Variants in TRAPPC9 observed in about 807,000 individuals in gnomAD.
The protein encoded by TRAPPC9 is IKK2 binding protein.
Under a neutral mutation model 124.0 loss-of-function variants are expected in TRAPPC9, and 83 were observed. The ratio of observed to expected loss-of-function variants is 0.67; its 90% confidence interval spans 0.56 to 0.80. The LOEUF (loss-of-function observed/expected upper bound fraction) is 0.80. TRAPPC9 is among the 30% of genes least tolerant of loss of function. The pLI is 0.00. For missense variants in TRAPPC9, 1,302 were observed against 1,508.3 expected (o/e 0.86, Z 2.27); for synonymous variants, 638 against 617.5 (o/e 1.03, Z -0.49).
chr8:139,850,422 T>C (rs1344774770), intron 21 of TRAPPC9, among the ~76,000 whole-genome samples: 1 of 152,180 alleles, frequency 6.6e-6, no homozygotes, highest in Non-Finnish European at 1.5e-5. Context: ...GGGCAGGAGC[T>C]CTTGGTGGCT....
intron 18 of TRAPPC9, among the ~76,000 whole-genome samples, chr8:140,019,820 G>A (rs7825467): frequency 0.49 from 74,589 of 151,578 alleles, 18,587 homozygotes; most frequent in Middle Eastern, 0.64. Flanking sequence ...CCAAAGGGCT[G>A]GGATTATAGG....
chr8:140,157,819 G>T (rs1761353007), intron 17 of TRAPPC9, among the ~76,000 whole-genome samples: 1 of 152,058 alleles, frequency 6.6e-6, no homozygotes, highest in Non-Finnish European at 1.5e-5. Flanking sequence ...AATAACCCTT[G>T]TTAACATCTT....
chr8:139,974,333 A>T (rs1836299589), intron 19 of TRAPPC9, among the ~76,000 whole-genome samples: 1 of 152,192 alleles, frequency 6.6e-6, no homozygotes, highest in Non-Finnish European at 1.5e-5. Flanking sequence ...AAGGGCAGGA[A>T]TTCCTGGATG....
intron 17 of TRAPPC9, among the ~76,000 whole-genome samples, chr8:140,083,198 A>AAAAATTCAC (rs1233632372): frequency 1.3e-5 from 2 of 152,188 alleles, no homozygotes; most frequent in African/African-American, 2.4e-5. Context: ...ATCTCAAAAA[A>AAAAATTCAC]AAAAATTCAC....
intron 5 of TRAPPC9, among the ~76,000 whole-genome samples, chr8:140,421,742 T>C (rs1388458988): frequency 6.6e-6 from 1 of 151,886 alleles, no homozygotes; most frequent in African/African-American, 2.4e-5. Flanking sequence ...TTTTTTCCTT[T>C]AGTTAACGAA....
rs1396276293 is a variant in TRAPPC9, at chr8:140,106,156, C to G, written c.2557-82077G>C. On this transcript the variant is annotated intron_variant, in intron 17 of 22. Transcript: ENST00000438773. ...AGAACAAAGGCAAGGTCAGTGTTGC[C>G]AGGACGAAAGCCTCTCCGCCTGCTT... Among the ~76,000 whole-genome samples the G allele has an allele frequency of 5.9e-5, 9 of 152,184 alleles. No individual in the cohort carries two copies. The East Asian group carries it at 1.7e-3, about 29-fold the overall frequency.
intron 19 of TRAPPC9, among the ~76,000 whole-genome samples, chr8:139,982,066 G>A (rs1836939044): frequency 6.6e-6 from 1 of 152,206 alleles, no homozygotes; most frequent in African/African-American, 2.4e-5. Flanking sequence ...GGGTTGTCAT[G>A]AAATTTAATT....
At chr8:140,156,908 A>G (rs2061640446) in intron 17 of TRAPPC9, among the ~76,000 whole-genome samples, 1 of 152,192 alleles carries the variant, frequency 6.6e-6, no homozygotes. Context: ...GCAGAAAGCT[A>G]TTGTGCTGCA....
chr8:140,026,491 A>T (rs1840157685), intron 17 of TRAPPC9, among the ~76,000 whole-genome samples: 1 of 152,144 alleles, frequency 6.6e-6, no homozygotes, highest in South Asian at 2.1e-4. Context: ...TCCTTACCAC[A>T]CATTTGCTAT....
intron 9 of TRAPPC9, among the ~76,000 whole-genome samples, chr8:140,321,067 C>A (rs1467829766): frequency 2.6e-5 from 4 of 152,228 alleles, no homozygotes; most frequent in Non-Finnish European, 5.9e-5. Flanking sequence ...GGAGGACTTG[C>A]AAGATTCCAG....
chr8:140,361,845 C>G (rs2067963557), intron 8 of TRAPPC9, among the ~76,000 whole-genome samples: 1 of 152,204 alleles, frequency 6.6e-6, no homozygotes, highest in East Asian at 1.9e-4. Flanking sequence ...GGGCGCTCGG[C>G]TGAGGCTGAC....
At position 139,728,647 on chromosome 8, in the gene TRAPPC9, C is replaced by T. The variant is rs183460823; in HGVS notation, c.*2414G>A. Among the ~76,000 whole-genome samples the T allele has an allele frequency of 3.9e-4, 59 of 152,328 alleles. No homozygotes were observed. Among genetic ancestry groups the T allele is most frequent in the Middle Eastern group, 3.4e-3 (1 of 294 alleles). Reference sequence around the variant, plus strand: ...CCAAACGCTTGGAGCACACACAAGGCCTGACTCCAGGTCACCTTCTCTACT... The same window carrying T: ...CCAAACGCTTGGAGCACACACAAGGTCTGACTCCAGGTCACCTTCTCTACT... On this transcript the variant is annotated 3_prime_UTR_variant, in exon 23 of 23. Transcript: ENST00000438773.
intron 17 of TRAPPC9, among the ~76,000 whole-genome samples, chr8:140,033,698 T>TTTTGAGACAGAGTCTCGCTC (rs1840697010): frequency 8.1e-6 from 1 of 123,062 alleles, no homozygotes; most frequent in Non-Finnish European, 1.6e-5. Context: ...TTTTTTTTTT[T>TTTTGAGACAGAGTCTCGCTC]TGAGACAGAG....
chr8:140,213,252 T>C (rs2131266510), intron 17 of TRAPPC9, among the ~76,000 whole-genome samples: 1 of 152,316 alleles, frequency 6.6e-6, no homozygotes, highest in Non-Finnish European at 1.5e-5. Context: ...TGTGGTTGTC[T>C]ATATCTGTGT....
intron 15 of TRAPPC9, among the ~76,000 whole-genome samples, chr8:140,254,041 G>C (rs115676835): frequency 0.015 from 2,319 of 152,242 alleles, 53 homozygotes; most frequent in African/African-American, 0.05. Flanking sequence ...AGGGGACATG[G>C]GGAGGCCACT....
chr8:140,334,647 C>CAGTA (rs1554669727), intron 9 of TRAPPC9, among the ~76,000 whole-genome samples: 1 of 131,970 alleles, frequency 7.6e-6, no homozygotes, highest in Non-Finnish European at 1.6e-5. Flanking sequence ...GAGACTCTGT[C>CAGTA]ACTAAATAAA....
intron 21 of TRAPPC9, among the ~76,000 whole-genome samples, chr8:139,877,234 C>T (rs977415659): frequency 1.6e-4 from 25 of 152,180 alleles, no homozygotes; most frequent in Non-Finnish European, 2.5e-4. Flanking sequence ...AAGAGGCAGG[C>T]GGAGGGTGGC....
intron 17 of TRAPPC9, among the ~76,000 whole-genome samples, chr8:140,168,534 C>T (rs892800009): frequency 2.6e-5 from 4 of 152,230 alleles, no homozygotes; most frequent in African/African-American, 9.6e-5. Flanking sequence ...CTCACTTAGC[C>T]TGTTCTCAAG....
At chr8:140,183,997 GGA>G (rs2062291248) in intron 17 of TRAPPC9, among the ~76,000 whole-genome samples, 1 of 128,346 alleles carries the variant, frequency 7.8e-6, no homozygotes. Flanking sequence ...GAGGGAGGAG[GGA>G]GGGGAGAAGA....
Sources: gnomAD v4.1 joint callset for allele counts (sites outside exome capture counted in the v4.1 genomes callset) on GRCh38, gnomAD v4.1.1 for gene constraint, MANE v1.5 for transcripts, NCBI Gene and HGNC (gene_info 2026-07-23, HGNC 2026-07-21) for gene names.